The following SMIM35 variants were observed in gnomAD, a reference collection of about 807,000 sequenced individuals.
The protein encoded by SMIM35 is TMPRSS4 antisense RNA 1 (non-protein coding).
intron 1 of SMIM35, chr11:118,059,452 C>T (rs935751509): frequency 3.9e-5 from 6 of 152,212 alleles, no homozygotes; most frequent in Admixed American, 2.0e-4. Context: ...TGCCACTCAC[C>T]GAGGGCTCAC....
At chr11:118,014,060 A>T (rs1468704537) in intron 3 of SMIM35, among the ~76,000 whole-genome samples, 180 bp from the exon 4 acceptor site, 1 of 152,208 alleles carries the variant, frequency 6.6e-6, no homozygotes, top group African/African-American at 2.4e-5. Flanking sequence ...TGGCAAGTAG[A>T]TGAGATGACC....
chr11:118,033,154 A>G (rs1161972244), intron 1 of SMIM35, among the ~76,000 whole-genome samples: 1 of 152,200 alleles, frequency 6.6e-6, no homozygotes, highest in Non-Finnish European at 1.5e-5. Context: ...CTGGTGTTTT[A>G]TTTAATTCAG....
In SMIM35 at chr11:118,079,847, G is replaced by A. The variant is rs963880861; in HGVS notation, c.7+6904C>T. Among the ~76,000 whole-genome samples, 7 of 152,330 alleles carry A rather than the reference G, an allele frequency of 4.6e-5. No homozygotes were observed. In the South Asian group the frequency reaches 6.2e-4, roughly 14 times the overall value. On this transcript the variant is annotated intron_variant, in intron 1 of 4. Transcript: ENST00000689828. ...GGGCACAGAATCCAGAAGCCCACTC[G>A]GCCCTGGCAGTGCCATCCTAGGCTC...
chr11:118,034,471 C>T (rs907044082), intron 1 of SMIM35, among the ~76,000 whole-genome samples: 5 of 152,156 alleles, frequency 3.3e-5, no homozygotes, highest in East Asian at 1.9e-4. Flanking sequence ...GCCTGTAATC[C>T]CAGCACTTTG....
intron 1 of SMIM35, among the ~76,000 whole-genome samples, chr11:118,024,441 A>G (rs2058257706): frequency 6.6e-6 from 1 of 152,136 alleles, no homozygotes; most frequent in Non-Finnish European, 1.5e-5. Flanking sequence ...TGTATTGCTT[A>G]TAAAGGGTGA....
intron 1 of SMIM35, among the ~76,000 whole-genome samples, chr11:118,032,166 A>C (rs1002471797): frequency 6.6e-6 from 1 of 152,198 alleles, no homozygotes; most frequent in Non-Finnish European, 1.5e-5. Context: ...GCAGAATAAA[A>C]AGACATGACA....
At chr11:118,044,321 A>G (rs1279529252) in intron 1 of SMIM35, among the ~76,000 whole-genome samples, 1 of 151,606 alleles carries the variant, frequency 6.6e-6, no homozygotes, top group Non-Finnish European at 1.5e-5. Context: ...AATTGAAAAA[A>G]AAAAAAAAAA....
rs376144848 is a variant in SMIM35 at position 118,052,461 on chromosome 11, C to T, written c.7+34290G>A. Among the ~76,000 whole-genome samples, 21 of 152,254 alleles carry T rather than the reference C, an allele frequency of 1.4e-4. No individual in the cohort carries two copies. In the South Asian group the frequency reaches 2.9e-3, roughly 21 times the overall value. ...GAGGCCAACAAGCTAAGCTTCAAGCCGCTCACTTGTACGGACCCTTCCAAG... is the reference window on the plus strand; with the variant it reads ...GAGGCCAACAAGCTAAGCTTCAAGCTGCTCACTTGTACGGACCCTTCCAAG... On this transcript the variant is annotated intron_variant, in intron 1 of 4. Transcript: ENST00000689828.
At chr11:118,054,090 G>C (rs1045547128) in intron 1 of SMIM35, among the ~76,000 whole-genome samples, 1 of 151,840 alleles carries the variant, frequency 6.6e-6, no homozygotes, top group African/African-American at 2.4e-5. Context: ...AAGACTGGAG[G>C]TATAAGTTAT....
At chr11:118,055,188 GC>G (rs1944289861) in intron 1 of SMIM35, among the ~76,000 whole-genome samples, 1 of 152,142 alleles carries the variant, frequency 6.6e-6, no homozygotes, top group Non-Finnish European at 1.5e-5. Context: ...AAAAGGGAAG[GC>G]CGTCCCTGCC....
At chr11:118,040,564 C>G (rs1943984554) in intron 1 of SMIM35, among the ~76,000 whole-genome samples, 1 of 152,136 alleles carries the variant, frequency 6.6e-6, no homozygotes, top group Non-Finnish European at 1.5e-5. Flanking sequence ...GAATTTGTTG[C>G]TAGCAGACTC....
chr11:118,056,694 G>A (rs184431439), intron 1 of SMIM35, among the ~76,000 whole-genome samples: 8 of 152,270 alleles, frequency 5.3e-5, no homozygotes, highest in East Asian at 1.9e-4. Flanking sequence ...GGAACCCCTC[G>A]GGAACACCAA....
rs185960605 is a variant in SMIM35, at chr11:118,016,866, T to G, written c.8-1057A>C. Among the ~76,000 whole-genome samples the G allele has an allele frequency of 3.5e-3, 536 of 152,368 alleles. 4 individuals carry two copies. The highest frequency in any genetic ancestry group is 0.025 in the South Asian group (121 of 4,820). ...GATGTAAATTATATCATTATTGTTG[T>G]TGTTGTCATTAGTATTATCAAATGG... On this transcript the variant is annotated intron_variant, in intron 1 of 4. Transcript: ENST00000689828.
chr11:118,006,188 A>C lies in SMIM35; in HGVS notation c.*222T>G, dbSNP rs1349898978. 6.6e-6 allele frequency: 1 copy of C among 152,212 alleles called. No individual in the cohort carries two copies. Among genetic ancestry groups the C allele is most frequent in the Non-Finnish European group, 1.5e-5 (1 of 68,064 alleles). The allele number at this position is 152,212 out of a possible 1,614,324, so 9.4% of individuals were successfully genotyped here. A position where few individuals can be genotyped will look rare whatever the true frequency, so the allele number is the denominator to read the frequency against. ...CTGCAGCACTGACAGCTCCAGGGACACCCCGCACATGGTATGCTATAATAT... is the reference window on the plus strand; with the variant it reads ...CTGCAGCACTGACAGCTCCAGGGACCCCCCGCACATGGTATGCTATAATAT... On this transcript the variant is annotated 3_prime_UTR_variant, in exon 5 of 5. Transcript: ENST00000689828.
Position 118,082,454 on chromosome 11 carries a change from G to A in SMIM35, c.7+4297C>T, listed in dbSNP as rs576440952. 4.8e-3 allele frequency among the ~76,000 whole-genome samples: 732 copies of A among 152,120 alleles called. 5 individuals are homozygous for A. The highest frequency in any genetic ancestry group is 8.7e-3 in the Non-Finnish European group (591 of 68,000). ...CTCACGCCTGTAATCCCAGCGACTC[G>A]GGAAGCTGAGGCATGAGAATCGCTT... On this transcript the variant is annotated intron_variant, in intron 1 of 4. Transcript: ENST00000689828.
intron 1 of SMIM35, among the ~76,000 whole-genome samples, chr11:118,039,104 A>G (rs1276464613): frequency 6.6e-6 from 1 of 152,210 alleles, no homozygotes; most frequent in Non-Finnish European, 1.5e-5. Context: ...CGTCATGACC[A>G]AATGTGCCCT....
intron 1 of SMIM35, among the ~76,000 whole-genome samples, chr11:118,031,262 G>A (rs937703791): frequency 2.0e-5 from 3 of 152,172 alleles, no homozygotes; most frequent in African/African-American, 7.2e-5. Context: ...CCACTAGGAG[G>A]GCTTGAGGCA....
At chr11:118,028,428 TATC>T (rs1376455034) in intron 1 of SMIM35, among the ~76,000 whole-genome samples, 1 of 151,174 alleles carries the variant, frequency 6.6e-6, no homozygotes, top group African/African-American at 2.4e-5. Context: ...CTTTGACATT[TATC>T]TCCTGTTTCT....
At chr11:118,014,592 G>A in intron 3 of SMIM35, 116 bp downstream of exon 3, 1 of 397,970 alleles carries the variant, frequency 2.5e-6, no homozygotes. Context: ...TTTCTTAGGG[G>A]CATGAACAGA....
Sources: allele counts gnomAD v4.1 joint callset (sites outside exome capture counted in the v4.1 genomes callset), GRCh38; gene constraint gnomAD v4.1.1; transcripts MANE v1.5; gene names NCBI Gene and HGNC (gene_info 2026-07-23, HGNC 2026-07-21).